Variants in TEF observed in about 807,000 individuals in gnomAD.
TEF encodes the protein TEF transcription factor, PAR bZIP family member.
TEF carries 3 observed loss-of-function variants against 20.8 expected under a neutral mutation model. The observed-to-expected ratio is 0.14, with a 90% CI of 0.07 to 0.37. TEF has a LOEUF of 0.37. Ranked by LOEUF, TEF falls within the 10% of genes least tolerant of loss-of-function variation. The pLI is 1.00. For missense variants in TEF, 296 were observed against 397.9 expected, an observed-to-expected ratio of 0.74 and a Z score of 2.18; for synonymous variants, 180 against 171.1, an observed-to-expected ratio of 1.05 and a Z score of -0.41.
chr22:41,378,026 T>C (rs955662157), upstream of TEF, among the ~76,000 whole-genome samples: 1 of 152,212 alleles, frequency 6.6e-6, no homozygotes, highest in African/African-American at 2.4e-5. Context: ...TCATTAATCA[T>C]TGTCTAATAC....
intron 1 of TEF, among the ~76,000 whole-genome samples, chr22:41,370,672 A>G (rs748176776): frequency 4.0e-5 from 6 of 151,832 alleles, no homozygotes; most frequent in African/African-American, 1.2e-4. Flanking sequence ...TCAGCCTCCC[A>G]AAGTGCTGGG....
intron 1 of TEF, among the ~76,000 whole-genome samples, chr22:41,372,555 TC>T (rs1211356533): frequency 1.3e-5 from 2 of 152,060 alleles, no homozygotes; most frequent in Non-Finnish European, 2.9e-5. Context: ...CAAACCCAGT[TC>T]CTCCTGACAC....
At chr22:41,385,184 A>G (rs55849801) in intron 1 of TEF, among the ~76,000 whole-genome samples, 1 of 151,888 alleles carries the variant, frequency 6.6e-6, no homozygotes, top group Non-Finnish European at 1.5e-5. Context: ...ACCAACATGG[A>G]GAAACCCTGT....
At chr22:41,369,648 G>A (rs1045966824) in intron 1 of TEF, among the ~76,000 whole-genome samples, 12 of 152,188 alleles carry the variant, frequency 7.9e-5, no homozygotes, top group African/African-American at 2.7e-4. Flanking sequence ...AAAAGCAATA[G>A]ACCTTGTTGA....
In TEF at chr22:41,382,029, C is replaced by G. The variant is rs2037033155; in HGVS notation, c.-16C>G. ...GGGCGGGGGAGGCGAGGTGCGCGAG[C>G]CGAGTCCGGGGCACGATGTCCGACG... On this transcript the variant is annotated 5_prime_UTR_variant, in exon 1 of 4. Coordinates refer to ENST00000266304, the MANE Select transcript of TEF (RefSeq NM_003216.4). The G allele has an allele frequency of 8.1e-7, 1 of 1,229,960 alleles. No individual in the cohort carries two copies. 76.2% of individuals were successfully genotyped at this position (1,229,960 alleles called of 1,614,324 possible).
At position 41,395,966 on chromosome 22, in the gene TEF, GC is replaced by G. The variant is rs758494386; in HGVS notation, c.*12del. 1.3e-5 allele frequency: 21 copies of G among 1,605,888 alleles called. No individual in the cohort carries two copies. The African/African-American group carries it at 1.6e-4, about 12-fold the overall frequency. On this transcript the variant is annotated 3_prime_UTR_variant, in exon 4 of 4. Transcript: ENST00000266304. ...CCAAATACGGGCCCTTGTAACCCGT[GC>G]CCCCCGCCCGGGCGGGGTACTGCCT...
At chr22:41,389,769 C>T (rs779966004) in intron 2 of TEF, among the ~76,000 whole-genome samples, 57 of 152,290 alleles carry the variant, frequency 3.7e-4, no homozygotes, top group Admixed American at 2.0e-3. Context: ...GCCACTACAC[C>T]CAGCCGCTTT....
At chr22:41,386,063 G>A (rs549569478) in intron 1 of TEF, among the ~76,000 whole-genome samples, 1 of 152,244 alleles carries the variant, frequency 6.6e-6, no homozygotes, top group African/African-American at 2.4e-5. Flanking sequence ...CTGACCTCGG[G>A]ATCCACTCGC....
At chr22:41,385,858 T>C (rs2037091496) in intron 1 of TEF, among the ~76,000 whole-genome samples, 1 of 152,078 alleles carries the variant, frequency 6.6e-6, no homozygotes, top group Admixed American at 6.6e-5. Context: ...CTAATTTTTG[T>C]ATTTTTAGTA....
chr22:41,390,495 C>CTTTTTTTTT (rs11358311), intron 2 of TEF, among the ~76,000 whole-genome samples: 14 of 80,362 alleles, frequency 1.7e-4, no homozygotes, highest in East Asian at 4.5e-4. Flanking sequence ...TCATTGTCAT[C>CTTTTTTTTT]TTTTTTTTTT....
intron 1 of TEF, among the ~76,000 whole-genome samples, chr22:41,372,329 G>C (rs2036891854): frequency 6.6e-6 from 1 of 152,108 alleles, no homozygotes; most frequent in Non-Finnish European, 1.5e-5. Context: ...GGCATTGACG[G>C]CATGTCGAGG....
chr22:41,387,115 G>A (rs2037107067), intron 1 of TEF, among the ~76,000 whole-genome samples: 2 of 152,108 alleles, frequency 1.3e-5, no homozygotes, highest in Non-Finnish European at 1.5e-5. Context: ...AGAGTATGTG[G>A]TAAGCCTTCT....
chr22:41,383,210 TG>T (rs2037057478), intron 1 of TEF, among the ~76,000 whole-genome samples: 1 of 152,198 alleles, frequency 6.6e-6, no homozygotes, highest in African/African-American at 2.4e-5. Context: ...CTTCCTTTCC[TG>T]GGTGTATGCT....
intron 1 of TEF, chr22:41,369,187 G>C (rs891984804): frequency 1.0e-6 from 1 of 985,266 alleles, no homozygotes; most frequent in Non-Finnish European, 1.2e-6. Context: ...CAAGGCCTTT[G>C]AAGTGTGGCA....
intron 1 of TEF, chr22:41,369,198 G>A: frequency 2.0e-6 from 2 of 985,382 alleles, no homozygotes; most frequent in Non-Finnish European, 2.4e-6. Flanking sequence ...AAGTGTGGCA[G>A]CAGCTGCCGG....
In TEF at chr22:41,381,961, G is replaced by C; in HGVS notation, c.-84G>C. 8.1e-7 allele frequency: 1 copy of C among 1,227,630 alleles called. No homozygotes were observed. Among genetic ancestry groups the C allele is most frequent in the Non-Finnish European group, 1.0e-6 (1 of 985,456 alleles). The allele number at this position is 1,227,630 out of a possible 1,614,324, so 76.0% of individuals were successfully genotyped here. A position where few individuals can be genotyped will look rare whatever the true frequency, so the allele number is the denominator to read the frequency against. Reference sequence around the variant, plus strand: ...GCCTGCGCAGTAGCTGCCCGTGTCGGCAGCTGCAGCGGGTCGCACGGCTCC... The same window carrying C: ...GCCTGCGCAGTAGCTGCCCGTGTCGCCAGCTGCAGCGGGTCGCACGGCTCC... On this transcript the variant is annotated 5_prime_UTR_variant, in exon 1 of 4. Coordinates refer to ENST00000266304, the MANE Select transcript of TEF (RefSeq NM_003216.4).
chr22:41,392,803 G>A lies in TEF; in HGVS notation c.476-1293G>A, dbSNP rs368677910. On this transcript the variant is annotated intron_variant, in intron 2 of 3. Coordinates refer to ENST00000266304, the MANE Select transcript of TEF (RefSeq NM_003216.4). ...TGTAATCCCAGCATTTTGGGAGGCC[G>A]AGGCGGGTGGATCACTTGAGCTCAG... Among the ~76,000 whole-genome samples the A allele has an allele frequency of 8.6e-5, 13 of 152,018 alleles. No homozygotes were observed. The South Asian group carries it at 1.5e-3, about 17-fold the overall frequency.
chr22:41,394,207 C>G lies in TEF; in HGVS notation c.587C>G (p.Pro196Arg), dbSNP rs2037200680. 6.2e-7 allele frequency: 1 copy of G among 1,614,136 alleles called. No homozygotes were observed. The highest frequency in any genetic ancestry group is 8.5e-7 in the Non-Finnish European group (1 of 1,180,038). ...DPADLVLSSV[P>R]GGELFNPRKH... Reference sequence around the variant, plus strand: ...GCCGACCTGGTGCTCTCCAGTGTGCCAGGCGGGGAGCTCTTCAACCCTCGG... The same window carrying G: ...GCCGACCTGGTGCTCTCCAGTGTGCGAGGCGGGGAGCTCTTCAACCCTCGG... Residue 196 changes from proline (P) to arginine (R), a missense_variant, in exon 3 of 4, where the codon CCA becomes CGA. Pro to Arg is a moderately radical substitution (Grantham distance 103). Transcript: ENST00000266304.
chr22:41,391,715 T>A (rs2037169154), intron 2 of TEF, among the ~76,000 whole-genome samples: 1 of 151,704 alleles, frequency 6.6e-6, no homozygotes, highest in Non-Finnish European at 1.5e-5. Flanking sequence ...CTCTGCCTAC[T>A]GGGTTTAAGC....
Sources: gnomAD v4.1 joint callset for allele counts (sites outside exome capture counted in the v4.1 genomes callset) on GRCh38, gnomAD v4.1.1 for gene constraint, MANE v1.5 for transcripts, NCBI Gene and HGNC (gene_info 2026-07-23, HGNC 2026-07-21) for gene names.